Variants in SETBP1 observed in about 807,000 individuals in gnomAD.
The protein encoded by SETBP1 is SET-binding protein.
SETBP1 carries 9 observed loss-of-function variants against 101.0 expected under a neutral mutation model. The observed-to-expected ratio is 0.09, with a 90% confidence interval of 0.05 to 0.16. The LOEUF (loss-of-function observed/expected upper bound fraction) is 0.16. Among genes scored for constraint, SETBP1 ranks in the 10% least tolerant of loss-of-function variants. The pLI, the probability that SETBP1 is intolerant of heterozygous loss-of-function variation, is 1.00. For missense variants in SETBP1, 1,858 were observed against 2,033.8 expected (o/e 0.91, Z 1.66); for synonymous variants, 818 against 788.5 (o/e 1.04, Z -0.63).
chr18:44,804,858 G>A (rs148084476), intron 2 of SETBP1, among the ~76,000 whole-genome samples: 3 of 151,974 alleles, frequency 2.0e-5, no homozygotes, highest in South Asian at 4.1e-4. Flanking sequence ...TTTTTTCTCC[G>A]GATATGGGGG....
intron 2 of SETBP1, among the ~76,000 whole-genome samples, chr18:44,725,388 A>T (rs574190955): frequency 6.6e-6 from 1 of 152,264 alleles, no homozygotes; most frequent in Admixed American, 6.5e-5. Context: ...GGAATTGTGT[A>T]GCAAAACTGG....
At chr18:44,796,731 C>T (rs1359260051) in intron 2 of SETBP1, among the ~76,000 whole-genome samples, 1 of 152,180 alleles carries the variant, frequency 6.6e-6, no homozygotes, top group African/African-American at 2.4e-5. Flanking sequence ...TAGGGTTTCC[C>T]TGTCTAAACA....
chr18:44,996,655 G>A (rs11659309), intron 4 of SETBP1, among the ~76,000 whole-genome samples: 44,870 of 152,096 alleles, frequency 0.3, 7,506 homozygotes, highest in East Asian at 0.51. Context: ...ATACTCTGGG[G>A]GAAAGGGATA....
At chr18:44,846,675 G>A (rs2072731120) in intron 2 of SETBP1, among the ~76,000 whole-genome samples, 1 of 152,226 alleles carries the variant, frequency 6.6e-6, no homozygotes, top group African/African-American at 2.4e-5. Context: ...TAAACAGCCA[G>A]TGCTCAGGAA....
intron 2 of SETBP1, among the ~76,000 whole-genome samples, chr18:44,859,492 C>G (rs1285015467): frequency 6.6e-6 from 1 of 152,186 alleles, no homozygotes. Context: ...TGATTCAGAG[C>G]TATGTCCACA....
chr18:44,703,879 G>T (rs1039991797), intron 2 of SETBP1, among the ~76,000 whole-genome samples: 5 of 152,170 alleles, frequency 3.3e-5, no homozygotes, highest in Admixed American at 3.3e-4. Context: ...TTGGAGTTGG[G>T]TCTCTTAAGA....
Position 44,701,300 on chromosome 18 carries a change from T to A in SETBP1, c.-47T>A. Reference sequence around the variant, plus strand: ...CTTTTCTCACCTTTCCCTTTTCCCTTTTCCCCTTCCCCCTCCTGAGAACTC... The same window carrying A: ...CTTTTCTCACCTTTCCCTTTTCCCTATTCCCCTTCCCCCTCCTGAGAACTC... On this transcript the variant is annotated 5_prime_UTR_variant, in exon 2 of 6. Coordinates refer to ENST00000649279, the MANE Select transcript of SETBP1 (RefSeq NM_015559.3). The A allele has an allele frequency of 6.9e-7, 1 of 1,452,806 alleles. No individual in the cohort carries two copies. Among genetic ancestry groups the A allele is most frequent in the Non-Finnish European group, 9.1e-7 (1 of 1,100,490 alleles). 90.0% of individuals were successfully genotyped at this position (1,452,806 alleles called of 1,614,324 possible).
chr18:44,729,354 C>T (rs371241643), intron 2 of SETBP1, among the ~76,000 whole-genome samples: 7 of 152,100 alleles, frequency 4.6e-5, no homozygotes, highest in East Asian at 1.9e-4. Context: ...TTTGACATAA[C>T]GTAGGTGAGA....
At chr18:44,908,513 G>A (rs1256277208) in intron 3 of SETBP1, among the ~76,000 whole-genome samples, 1 of 152,078 alleles carries the variant, frequency 6.6e-6, no homozygotes, top group Non-Finnish European at 1.5e-5. Flanking sequence ...TAAGTATCAG[G>A]GTTTATTTCT....
At chr18:44,747,471 C>G (rs2070280823) in intron 2 of SETBP1, among the ~76,000 whole-genome samples, 1 of 152,224 alleles carries the variant, frequency 6.6e-6, no homozygotes, top group African/African-American at 2.4e-5. Context: ...GAGGTGCTGG[C>G]CCAGGCCACA....
intron 2 of SETBP1, among the ~76,000 whole-genome samples, chr18:44,748,443 G>A (rs2070309373): frequency 6.6e-6 from 1 of 152,224 alleles, no homozygotes; most frequent in South Asian, 2.1e-4. Flanking sequence ...GCCTGGGGAA[G>A]AGCAGAACAT....
intron 4 of SETBP1, among the ~76,000 whole-genome samples, chr18:44,990,782 T>A (rs562064291): frequency 1.3e-5 from 2 of 152,042 alleles, no homozygotes; most frequent in Non-Finnish European, 2.9e-5. Flanking sequence ...CAGGTTAAAA[T>A]ATTCAAAAGT....
intron 3 of SETBP1, among the ~76,000 whole-genome samples, chr18:44,905,975 T>C (rs1032464752): frequency 1.3e-5 from 2 of 152,188 alleles, no homozygotes; most frequent in Non-Finnish European, 2.9e-5. Flanking sequence ...TCCCTTACCA[T>C]AGGTGTCCTC....
intron 4 of SETBP1, among the ~76,000 whole-genome samples, chr18:44,966,806 A>G (rs1023353892): frequency 2.0e-5 from 3 of 152,190 alleles, no homozygotes; most frequent in African/African-American, 4.8e-5. Context: ...TAAATATCCC[A>G]CTTGCTCGTA....
chr18:44,998,074 C>G (rs1291809268), intron 4 of SETBP1, among the ~76,000 whole-genome samples: 2 of 152,194 alleles, frequency 1.3e-5, no homozygotes, highest in Non-Finnish European at 2.9e-5. Flanking sequence ...AGCCCCTGTT[C>G]TAGTTAAAGA....
At chr18:44,842,084 T>C (rs1241510712) in intron 2 of SETBP1, among the ~76,000 whole-genome samples, 1 of 152,176 alleles carries the variant, frequency 6.6e-6, no homozygotes, top group African/African-American at 2.4e-5. Flanking sequence ...TCAACTTTTA[T>C]TGTTCGGTAA....
chr18:45,025,932 C>T (rs960342113), intron 4 of SETBP1, among the ~76,000 whole-genome samples: 1 of 152,172 alleles, frequency 6.6e-6, no homozygotes, highest in Non-Finnish European at 1.5e-5. Context: ...TTTATGTGCA[C>T]GCATGCACTA....
intron 2 of SETBP1, among the ~76,000 whole-genome samples, chr18:44,861,752 A>G (rs960242853): frequency 1.3e-5 from 2 of 152,216 alleles, no homozygotes; most frequent in African/African-American, 2.4e-5. Context: ...ATTAACATCC[A>G]TATCACCAGT....
At chr18:44,790,378 C>T (rs1209754556) in intron 2 of SETBP1, among the ~76,000 whole-genome samples, 1 of 152,152 alleles carries the variant, frequency 6.6e-6, no homozygotes, top group Non-Finnish European at 1.5e-5. Context: ...CTCTCGTTTA[C>T]AAAGATTTTG....
Sources: gnomAD v4.1 joint callset for allele counts (sites outside exome capture counted in the v4.1 genomes callset) on GRCh38, gnomAD v4.1.1 for gene constraint, MANE v1.5 for transcripts, NCBI Gene and HGNC (gene_info 2026-07-23, HGNC 2026-07-21) for gene names.